Variants in KBTBD2 observed in about 807,000 individuals in gnomAD.
The protein encoded by KBTBD2 is kelch repeat and BTB domain-containing protein 2.
A neutral mutation model predicts 57.1 loss-of-function variants in KBTBD2; 17 were observed. That is an observed-to-expected ratio of 0.30 (90% confidence interval 0.20 to 0.45). KBTBD2 has a LOEUF of 0.45. KBTBD2 is among the 20% of genes least tolerant of loss of function. The pLI, the probability that KBTBD2 is intolerant of heterozygous loss-of-function variation, is 1.00. For synonymous variants in KBTBD2, 267 were observed against 262.7 expected (o/e 1.02, Z -0.16); for missense variants, 515 against 750.6 (o/e 0.69, Z 3.67).
At chr7:32,882,741 T>C (rs942376835) in intron 1 of KBTBD2, among the ~76,000 whole-genome samples, 9 of 152,148 alleles carry the variant, frequency 5.9e-5, no homozygotes, top group Non-Finnish European at 1.2e-4. Context: ...CCCAGCACTT[T>C]GGGAGGCTGA....
At chr7:32,891,287 T>C (rs1784732032) in intron 1 of KBTBD2, 1 of 148,412 alleles carries the variant, frequency 6.7e-6, no homozygotes, top group Non-Finnish European at 1.5e-5. Flanking sequence ...GGCCGCCCCT[T>C]CCCCGCGGAC....
chr7:32,887,021 C>T (rs925052560), intron 1 of KBTBD2, among the ~76,000 whole-genome samples: 1 of 152,080 alleles, frequency 6.6e-6, no homozygotes, highest in Admixed American at 6.6e-5. Flanking sequence ...AGTTTTCATT[C>T]CTAGAGGTGT....
At chr7:32,874,470 C>T (rs1230367525) in intron 3 of KBTBD2, 1 of 151,654 alleles carries the variant, frequency 6.6e-6, no homozygotes, top group East Asian at 1.9e-4. Flanking sequence ...TGGTGGTGCA[C>T]ACCTTTAGTC....
upstream of KBTBD2, chr7:32,891,880 C>CGG: frequency 7.8e-6 from 1 of 128,332 alleles, no homozygotes; most frequent in African/African-American, 3.0e-5. Context: ...CCGGGCCCGC[C>CGG]GCCCCCGCCG....
intron 1 of KBTBD2, among the ~76,000 whole-genome samples, chr7:32,889,986 T>C (rs1000457866): frequency 9.2e-5 from 14 of 152,262 alleles, no homozygotes; most frequent in South Asian, 4.1e-4. Flanking sequence ...TATGTACTGA[T>C]ACCTCTATTC....
chr7:32,877,563 T>A (rs949374824), intron 2 of KBTBD2, among the ~76,000 whole-genome samples: 1 of 152,144 alleles, frequency 6.6e-6, no homozygotes, highest in Non-Finnish European at 1.5e-5. Flanking sequence ...AGTAGATGTA[T>A]AGGAGCATTA....
In KBTBD2 at chr7:32,879,926, C is replaced by T. The variant is rs140287775; in HGVS notation, c.-322G>A. 1,508 of 242,900 alleles carry T rather than the reference C, an allele frequency of 6.2e-3. 13 individuals are homozygous for T. Among genetic ancestry groups the T allele is most frequent in the South Asian group, 0.018 (264 of 14,686 alleles). 15.0% of individuals were successfully genotyped at this position (242,900 alleles called of 1,614,324 possible). A position where few individuals can be genotyped will look rare whatever the true frequency, so the allele number is the denominator to read the frequency against. On this transcript the variant is annotated 5_prime_UTR_variant, in exon 2 of 4. Coordinates refer to ENST00000304056, the MANE Select transcript of KBTBD2 (RefSeq NM_015483.3). ...TTTTGTGGCAACATCCTATGTTCAGCGGATCCTGTGGAGTAACTAAAAAGA... is the reference window on the plus strand; with the variant it reads ...TTTTGTGGCAACATCCTATGTTCAGTGGATCCTGTGGAGTAACTAAAAAGA...
At chr7:32,873,905 A>G (rs1285918064) in intron 3 of KBTBD2, among the ~76,000 whole-genome samples, 1 of 152,150 alleles carries the variant, frequency 6.6e-6, no homozygotes, top group East Asian at 1.9e-4. Flanking sequence ...TCCCTTACAC[A>G]TTTTGTAAAA....
chr7:32,886,161 C>T (rs371753883), intron 1 of KBTBD2, among the ~76,000 whole-genome samples: 14 of 152,128 alleles, frequency 9.2e-5, no homozygotes, highest in African/African-American at 3.4e-4. Context: ...CTGCCTGCCT[C>T]GGCCTCCCAA....
chr7:32,884,345 T>C (rs974370652), intron 1 of KBTBD2, among the ~76,000 whole-genome samples: 1 of 149,256 alleles, frequency 6.7e-6, no homozygotes, highest in Non-Finnish European at 1.5e-5. Flanking sequence ...GCCACTGCAC[T>C]CCAGCCTGGG....
chr7:32,877,431 G>A (rs1424542339), intron 2 of KBTBD2, among the ~76,000 whole-genome samples: 1 of 152,152 alleles, frequency 6.6e-6, no homozygotes, highest in Non-Finnish European at 1.5e-5. Context: ...AACTATAAAT[G>A]TTACCAAGAA....
At chr7:32,885,017 T>C (rs200325221) in intron 1 of KBTBD2, among the ~76,000 whole-genome samples, 1,582 of 125,000 alleles carry the variant, frequency 0.013, 27 homozygotes, top group African/African-American at 0.023. Flanking sequence ...TATATATATA[T>C]ACACACACAT....
chr7:32,870,931 A>G, intron 3 of KBTBD2, 51 bp from the exon 4 acceptor site: 2 of 1,152,746 alleles, frequency 1.7e-6, no homozygotes, highest in South Asian at 1.6e-5. Context: ...GGACAGACAC[A>G]TTTTACTTTT....
At chr7:32,877,872 G>A (rs766811947) in intron 2 of KBTBD2, among the ~76,000 whole-genome samples, 3 of 152,084 alleles carry the variant, frequency 2.0e-5, no homozygotes, top group African/African-American at 4.8e-5. Context: ...ACTTTGGGAG[G>A]CCGAGGCGGG....
chr7:32,877,438 A>T (rs1474463346), intron 2 of KBTBD2, among the ~76,000 whole-genome samples: 1 of 152,250 alleles, frequency 6.6e-6, no homozygotes, highest in Non-Finnish European at 1.5e-5. Flanking sequence ...AATGTTACCA[A>T]GAAATATTAA....
rs567488576 is a variant in KBTBD2 at position 32,877,278 on chromosome 7, AAGTGCTGGGATT to A, written c.171-2133_171-2122del. Among the ~76,000 whole-genome samples the A allele has an allele frequency of 2.8e-4, 43 of 152,214 alleles. No individual in the cohort carries two copies. In the East Asian group the frequency reaches 8.3e-3, roughly 29 times the overall value. On this transcript the variant is annotated intron_variant, in intron 2 of 3. Coordinates refer to ENST00000304056, the MANE Select transcript of KBTBD2 (RefSeq NM_015483.3). ...GTGATCCGCCCGCCTCTGCCTCCCA[AAGTGCTGGGATT>A]ACAGGCATGTGCCAGCACTCCCGAC...
At chr7:32,887,974 C>G (rs1397162005) in intron 1 of KBTBD2, among the ~76,000 whole-genome samples, 1 of 152,148 alleles carries the variant, frequency 6.6e-6, no homozygotes, top group Non-Finnish European at 1.5e-5. Flanking sequence ...TTTATTAACC[C>G]ACCCACTGGT....
intron 1 of KBTBD2, among the ~76,000 whole-genome samples, chr7:32,880,364 G>C (rs184280574): frequency 1.3e-5 from 2 of 151,790 alleles, no homozygotes; most frequent in Non-Finnish European, 2.9e-5. Flanking sequence ...GAGATTTCTC[G>C]TTCTCCGAAT....
chr7:32,876,771 C>T (rs1784322405), intron 2 of KBTBD2, among the ~76,000 whole-genome samples: 2 of 152,082 alleles, frequency 1.3e-5, no homozygotes, highest in African/African-American at 2.4e-5. Context: ...GCCTGGCCAA[C>T]ATGGTGAAAC....
Sources: gnomAD v4.1 joint callset for allele counts (sites outside exome capture counted in the v4.1 genomes callset) on GRCh38, gnomAD v4.1.1 for gene constraint, MANE v1.5 for transcripts, NCBI Gene and HGNC (gene_info 2026-07-23, HGNC 2026-07-21) for gene names.